UBXN1: variants seen among roughly 807,000 people sequenced by gnomAD.
The protein encoded by UBXN1 is UBX domain-containing protein 1.
Under a neutral mutation model 42.0 loss-of-function variants are expected in UBXN1, and 21 were observed. The ratio of observed to expected loss-of-function variants is 0.50; its 90% CI spans 0.35 to 0.72. The LOEUF (loss-of-function observed/expected upper bound fraction) is 0.72, where lower values mean the gene tolerates loss of function less well. Ranked by LOEUF, UBXN1 falls within the 30% of genes least tolerant of loss-of-function variation. UBXN1 has a pLI of 0.00. For missense variants in UBXN1, 374 were observed against 382.2 expected, an observed-to-expected ratio of 0.98 and a Z score of 0.18; for synonymous variants, 172 against 142.6, an observed-to-expected ratio of 1.21 and a Z score of -1.47.
In UBXN1 at chr11:62,676,825, G is replaced by A; in HGVS notation, c.832C>T (p.Leu278=). 6.2e-7 allele frequency: 1 copy of A among 1,614,188 alleles called. No homozygotes were observed. The highest frequency in any genetic ancestry group is 8.5e-7 in the Non-Finnish European group (1 of 1,180,046). ...CTTGCAGCCATACCCAGCTCCTGCA[G>A]AGGCCGCTCCATGTCAGCTTCTGAG... ...AFSEADMERP[L]QELGLVPSAV... is the part of the protein sequence containing the mutation. Residue 278 remains leucine (L), a synonymous_variant, in exon 8 of 9, where the codon CTG becomes TTG. Coordinates refer to ENST00000301935, the MANE Select transcript of UBXN1 (RefSeq NM_001286077.2).
At chr11:62,677,056 G>A in intron 7 of UBXN1, 51 bp from the exon 8 acceptor site, 1 of 1,558,552 alleles carries the variant, frequency 6.4e-7, no homozygotes, top group South Asian at 1.1e-5. Context: ...ACTGAATGAG[G>A]TGCCCAAGTA....
Position 62,677,570 on chromosome 11 carries a change from G to A in UBXN1, c.599C>T (p.Ser200Phe), listed in dbSNP as rs1050329. 1.2e-6 allele frequency: 2 copies of A among 1,614,138 alleles called. No individual in the cohort carries two copies. The highest frequency in any genetic ancestry group is 1.6e-4 in the Middle Eastern group (1 of 6,062). The stretch of plus-strand genomic sequence containing the variant: ...CTTGGTGGGAGGCTCCTGGCTGGGA[G>A]AAGAGGGAACAGGACCTGGCTCTGG... ...VAPEPGPVPS[S>F]PSQEPPTKRE... Residue 200 changes from serine (S) to phenylalanine (F), a missense_variant, in exon 7 of 9, where the codon TCT (serine) becomes TTT (phenylalanine). Ser to Phe is a radical substitution (Grantham distance 155). Transcript: ENST00000301935.
In UBXN1 at chr11:62,677,025, C is replaced by CA; in HGVS notation, c.652-21_652-20insT. ...CCTGACCTAAAGGGCAAGGGAGATACTCAGTATTGTGGGCATCAAAACTGA... is the reference window on the plus strand; with the variant it reads ...CCTGACCTAAAGGGCAAGGGAGATACATCAGTATTGTGGGCATCAAAACTGA... On this transcript the variant is annotated intron_variant, in intron 7 of 8. Transcript: ENST00000301935. 6.2e-7 allele frequency: 1 copy of CA among 1,600,130 alleles called. No homozygotes were observed. The highest frequency in any genetic ancestry group is 1.1e-5 in the South Asian group (1 of 90,974).
chr11:62,677,372 C>A, intron 7 of UBXN1, 146 bp downstream of exon 7: 3 of 842,820 alleles, frequency 3.6e-6, no homozygotes, highest in Non-Finnish European at 5.8e-6. Context: ...ATACCTTTCC[C>A]AAGAGTAGAG....
At chr11:62,678,267 T>G in intron 4 of UBXN1, 72 bp downstream of exon 4, 1 of 1,606,956 alleles carries the variant, frequency 6.2e-7, no homozygotes. Flanking sequence ...AAGGTCAAGG[T>G]TCTTTGACCA....
At position 62,678,505 on chromosome 11, in the gene UBXN1, G is replaced by T. The variant is rs772765104; in HGVS notation, c.210C>A (p.Gly70=). Residue 70 remains glycine, a synonymous_variant, in exon 3 of 9, where the codon GGC becomes GGA. Coordinates refer to ENST00000301935, the MANE Select transcript of UBXN1 (RefSeq NM_001286077.2). The part of the protein sequence containing the change: ...LGREPTSSEQ[G]GLEGSGSAAG... ...ACCCTCAGTCAGGACCTTCAAGGCC[G>T]CCTTGCTCTGAGGAAGTGGGCTCCC... 3 of 1,612,078 alleles carry T rather than the reference G, an allele frequency of 1.9e-6. No homozygotes were observed. The highest frequency in any genetic ancestry group is 2.2e-5 in the East Asian group (1 of 44,854).
chr11:62,678,328 T>G lies in UBXN1; in HGVS notation c.290+11A>C. On this transcript the variant is annotated intron_variant, in intron 4 of 8. Coordinates refer to ENST00000301935, the MANE Select transcript of UBXN1 (RefSeq NM_001286077.2). ...ACGACCCTCAGACACGTGAGATTGTTGTTACTGTACCTCTTAGTTTGTTCC... is the reference window on the plus strand; with the variant it reads ...ACGACCCTCAGACACGTGAGATTGTGGTTACTGTACCTCTTAGTTTGTTCC... The G allele has an allele frequency of 6.2e-7, 1 of 1,614,176 alleles. No homozygotes were observed. Among genetic ancestry groups the G allele is most frequent in the Non-Finnish European group, 8.5e-7 (1 of 1,180,018 alleles).
At chr11:62,678,662 T>G (rs1428311303) in intron 2 of UBXN1, 28 bp downstream of exon 2, 1 of 599,056 alleles carries the variant, frequency 1.7e-6, no homozygotes, top group Non-Finnish European at 3.0e-6. Context: ...CAGCCCCCAA[T>G]TCTCCGCCAC....
rs750830177 is a variant in UBXN1 at position 62,678,196 on chromosome 11, G to A, written c.291-78C>T. 5 of 1,602,108 alleles carry A rather than the reference G, an allele frequency of 3.1e-6. No individual in the cohort carries two copies. In the South Asian group the frequency reaches 4.4e-5, roughly 14 times the overall value. ...TAAAGTTTACAATAAACAAAATTAG[G>A]CGACATATATCCCAAAGTAGATTAA... On this transcript the variant is annotated intron_variant, in intron 4 of 8. Coordinates refer to ENST00000301935, the MANE Select transcript of UBXN1 (RefSeq NM_001286077.2).
chr11:62,676,952 C>A lies in UBXN1; in HGVS notation c.705G>T (p.Gln235His). ...SLTQTFRARE[Q>H]LAAVRLYVEL... ...CCACATAGAGCCTCACAGCTGCCAG[C>A]TGTTCCCGGGCCCGGAACGTCTGGG... The change falls in exon 8 of 9, where the codon CAG (glutamine) becomes CAT (histidine). Residue 235 changes from glutamine to histidine, a missense_variant. Gln to His is a conservative substitution (Grantham distance 24). Coordinates refer to ENST00000301935, the MANE Select transcript of UBXN1 (RefSeq NM_001286077.2). 3 of 1,612,784 alleles carry A rather than the reference C, an allele frequency of 1.9e-6. No homozygotes were observed. The highest frequency in any genetic ancestry group is 2.5e-6 in the Non-Finnish European group (3 of 1,180,036).
Position 62,677,873 on chromosome 11 carries a change from A to AAGC in UBXN1, c.483-44_483-42dup. 3 of 1,614,104 alleles carry AAGC rather than the reference A, an allele frequency of 1.9e-6. No homozygotes were observed. In the Admixed American group the frequency reaches 5.0e-5, roughly 27 times the overall value. ...GAAGAAATTAGGTCAGACATCAACA[A>AAGC]AGCAAATCTTGATTTCTTTCTCATC... is the stretch of plus-strand genomic sequence containing the variant. On this transcript the variant is annotated intron_variant, in intron 5 of 8. Coordinates refer to ENST00000301935, the MANE Select transcript of UBXN1 (RefSeq NM_001286077.2).
chr11:62,677,853 A>C (rs1474090238), intron 5 of UBXN1, 21 bp from the exon 6 acceptor site: 1 of 1,614,204 alleles, frequency 6.2e-7, no homozygotes, highest in Non-Finnish European at 8.5e-7. Context: ...GACAAGAAGA[A>C]ATTAGGTCAG....
In UBXN1 at chr11:62,676,905, A is replaced by G; in HGVS notation, c.752T>C (p.Leu251Pro). The G allele has an allele frequency of 1.2e-6, 2 of 1,613,894 alleles. No homozygotes were observed. The highest frequency in any genetic ancestry group is 1.7e-6 in the Non-Finnish European group (2 of 1,180,028). ...TTGCACAGGGTCCTGGCCCCCACCT[A>G]GTTCCTCCCCACGGTGGAGCTCCAC... The part of the protein sequence containing the change: ...LYVELHRGEE[L>P]GGGQDPVQLL... Residue 251 changes from leucine (L) to proline (P), a missense_variant, in exon 8 of 9, where the codon CTA becomes CCA. Physicochemically the swap from Leu to Pro is moderately conservative, Grantham distance 98. Coordinates refer to ENST00000301935, the MANE Select transcript of UBXN1 (RefSeq NM_001286077.2).
Position 62,678,964 on chromosome 11 carries a change from C to A in UBXN1, c.-41G>T. 6.5e-7 allele frequency: 1 copy of A among 1,548,652 alleles called. No homozygotes were observed. Among genetic ancestry groups the A allele is most frequent in the Non-Finnish European group, 8.7e-7 (1 of 1,150,438 alleles). ...GCTTCCGCGGGGACCTGGTGTGTGACGAGAAGGAGGGCGGGAAGGGTCAGC... is the reference window on the plus strand; with the variant it reads ...GCTTCCGCGGGGACCTGGTGTGTGAAGAGAAGGAGGGCGGGAAGGGTCAGC... On this transcript the variant is annotated 5_prime_UTR_variant, in exon 1 of 9. Transcript: ENST00000301935.
In UBXN1 at chr11:62,678,753, G is replaced by A. The variant is rs772108709; in HGVS notation, c.60-10C>T. ...GGCCAGAGCCTTCTCCCTGGGGGCAGAAACACCATGAATAGCGCCCACGAG... is the reference window on the plus strand; with the variant it reads ...GGCCAGAGCCTTCTCCCTGGGGGCAAAAACACCATGAATAGCGCCCACGAG... On this transcript the variant is annotated splice_polypyrimidine_tract_variant and intron_variant, in intron 1 of 8. Coordinates refer to ENST00000301935, the MANE Select transcript of UBXN1 (RefSeq NM_001286077.2). 9 of 1,613,096 alleles carry A rather than the reference G, an allele frequency of 5.6e-6. No individual in the cohort carries two copies. The African/African-American group carries it at 8.0e-5, about 14-fold the overall frequency.
Position 62,678,846 on chromosome 11 carries a change from G to C in UBXN1, c.59+19C>G. The C allele has an allele frequency of 6.2e-7, 1 of 1,608,342 alleles. No homozygotes were observed. Among genetic ancestry groups the C allele is most frequent in the South Asian group, 1.1e-5 (1 of 90,398 alleles). ...GCGACCCCCCACACCCGCAGGCCGG[G>C]GTTGGGGAACTCCCTTACGCGCGTC... is the stretch of plus-strand genomic sequence containing the variant. On this transcript the variant is annotated intron_variant, in intron 1 of 8. Transcript: ENST00000301935.
intron 5 of UBXN1, 32 bp downstream of exon 5, chr11:62,677,895 C>A (rs759006772): frequency 1.1e-5 from 17 of 1,614,010 alleles, no homozygotes; most frequent in African/African-American, 1.3e-5. Context: ...ATTTCTTTCT[C>A]ATCTGCTATC....
chr11:62,678,910 G>T lies in UBXN1; in HGVS notation c.14C>A (p.Thr5Lys). 1 of 1,593,294 alleles carries T rather than the reference G, an allele frequency of 6.3e-7. No individual in the cohort carries two copies. Residue 5 changes from threonine to lysine, a missense_variant, in exon 1 of 9, where the codon ACG (threonine) becomes AAG (lysine). By Grantham distance (78) the Thr-to-Lys change is moderately conservative. Transcript: ENST00000301935. MAELTALESLIEMGF... is the reference protein window; with the variant it reads MAELKALESLIEMGF... ...CATCTCGATGAGACTCTCAAGAGCC[G>T]TCAGCTCCGCCATGGCGCCGACACC...
rs1327990979 is a variant in UBXN1, at chr11:62,678,485, C to T, written c.220+10G>A. The T allele has an allele frequency of 1.2e-6, 2 of 1,612,508 alleles. No individual in the cohort carries two copies. The highest frequency in any genetic ancestry group is 1.7e-6 in the Non-Finnish European group (2 of 1,179,512). ...CCTGAATAATCACACCGTGGACCCT[C>T]AGTCAGGACCTTCAAGGCCGCCTTG... On this transcript the variant is annotated intron_variant, in intron 3 of 8. Transcript: ENST00000301935.
Sources: gnomAD v4.1 joint callset for allele counts on GRCh38, gnomAD v4.1.1 for gene constraint, MANE v1.5 for transcripts, NCBI Gene and HGNC (gene_info 2026-07-23, HGNC 2026-07-21) for gene names.